USP34: variants seen among roughly 807,000 people sequenced by gnomAD.
USP34 encodes the protein ubiquitin carboxyl-terminal hydrolase 34.
In USP34, 70 loss-of-function variants were observed where a neutral mutation model predicts 460.3. The observed-to-expected ratio is 0.15, with a 90% confidence interval of 0.13 to 0.19. USP34 has a LOEUF of 0.19. USP34 is among the 10% of genes least tolerant of loss of function. The pLI is 1.00. For missense variants in USP34, 3,985 were observed against 4,236.2 expected, an observed-to-expected ratio of 0.94 and a Z score of 1.65; for synonymous variants, 1,647 against 1,405.3, an observed-to-expected ratio of 1.17 and a Z score of -3.85.
At chr2:61,250,818 G>C (rs1446337207) in intron 48 of USP34, among the ~76,000 whole-genome samples, 1 of 152,132 alleles carries the variant, frequency 6.6e-6, no homozygotes, top group Non-Finnish European at 1.5e-5. Context: ...TATACTTAAG[G>C]GATCAATAGG....
chr2:61,201,712 A>G (rs1686982970), intron 75 of USP34, among the ~76,000 whole-genome samples: 1 of 152,228 alleles, frequency 6.6e-6, no homozygotes, highest in African/African-American at 2.4e-5. Context: ...TGGGTTGACA[A>G]GACAACCCAA....
At chr2:61,301,702 C>CTCCT (rs1186793439) in intron 27 of USP34, among the ~76,000 whole-genome samples, 1 of 152,200 alleles carries the variant, frequency 6.6e-6, no homozygotes, top group Non-Finnish European at 1.5e-5. Context: ...GCCAACTGGC[C>CTCCT]TCCTTGCCCT....
rs1446008237 is a variant in USP34 at position 61,241,555 on chromosome 2, T to C, written c.6777+5A>G. On this transcript the variant is annotated splice_donor_5th_base_variant and intron_variant, in intron 53 of 79. Transcript: ENST00000398571. Reference sequence around the variant, plus strand: ...AAATGTTGCTCAAATGAAATTAACTTATACCTCTAGTAACTCTGACGAAAC... The same window carrying C: ...AAATGTTGCTCAAATGAAATTAACTCATACCTCTAGTAACTCTGACGAAAC... 3.8e-6 allele frequency: 6 copies of C among 1,588,906 alleles called. No individual in the cohort carries two copies. Among genetic ancestry groups the C allele is most frequent in the Non-Finnish European group, 5.1e-6 (6 of 1,168,796 alleles).
Position 61,206,801 on chromosome 2 carries a change from A to T in USP34, c.9005T>A (p.Leu3002His), listed in dbSNP as rs1182456670. ...GDLVELLSIF[L>H]SVLKSTRPYL... ...AGGGCGTGTAGACTTCAAAACCGAAAGAAATATTGACAGAAGTTCTACTAA... is the reference window on the plus strand; with the variant it reads ...AGGGCGTGTAGACTTCAAAACCGAATGAAATATTGACAGAAGTTCTACTAA... The change falls in exon 71 of 80, where the codon CTT (leucine) becomes CAT (histidine). Residue 3002 changes from leucine (L) to histidine (H), a missense_variant. Transcript: ENST00000398571. 6.2e-7 allele frequency: 1 copy of T among 1,613,746 alleles called. No individual in the cohort carries two copies. The highest frequency in any genetic ancestry group is 8.5e-7 in the Non-Finnish European group (1 of 1,179,794).
intron 10 of USP34, among the ~76,000 whole-genome samples, chr2:61,365,966 A>ATTTATTTATTTATTTATTTC: frequency 6.6e-6 from 1 of 152,126 alleles, no homozygotes; most frequent in African/African-American, 2.4e-5. Flanking sequence ...TTATTTATTT[A>ATTTATTTATTTATTTATTTC]TTTGAGACAC....
chr2:61,325,777 C>A (rs571470204), intron 20 of USP34, among the ~76,000 whole-genome samples: 20 of 152,186 alleles, frequency 1.3e-4, no homozygotes, highest in African/African-American at 4.6e-4. Flanking sequence ...TTAGAATAGG[C>A]AACAAGTAAA....
intron 1 of USP34, among the ~76,000 whole-genome samples, chr2:61,446,792 C>T (rs1227824331): frequency 1.1e-5 from 1 of 87,792 alleles, no homozygotes; most frequent in Non-Finnish European, 2.3e-5. Context: ...CAAGACTCCA[C>T]ATCAAAAAAA....
intron 64 of USP34, 46 bp from the exon 65 acceptor site, chr2:61,222,709 GTTTTT>G (rs756441973): frequency 1.8e-4 from 279 of 1,574,836 alleles, no homozygotes; most frequent in Non-Finnish European, 2.3e-4. Context: ...GTTTTGTTTT[GTTTTT>G]GAGACAGGGT....
Position 61,240,547 on chromosome 2 carries a change from G to C in USP34, c.6777+1013C>G, listed in dbSNP as rs1194885151. Among the ~76,000 whole-genome samples the C allele has an allele frequency of 5.3e-5, 8 of 151,798 alleles. No individual in the cohort carries two copies. In the East Asian group the frequency reaches 7.8e-4, roughly 15 times the overall value. On this transcript the variant is annotated intron_variant, in intron 53 of 79. Transcript: ENST00000398571. The stretch of plus-strand genomic sequence containing the variant: ...CCCGCCTCGGCCTCCCAAAGTGCTG[G>C]GATTACAGGCATGAGCCACCGCGCC...
chr2:61,435,453 C>CT (rs1433098834), intron 1 of USP34, among the ~76,000 whole-genome samples: 7 of 149,894 alleles, frequency 4.7e-5, no homozygotes, highest in Non-Finnish European at 1.0e-4. Context: ...AGTTAAAGTA[C>CT]TAAAAAAAAA....
At chr2:61,274,569 G>C (rs149864763) in intron 41 of USP34, among the ~76,000 whole-genome samples, 78 of 152,254 alleles carry the variant, frequency 5.1e-4, no homozygotes, top group African/African-American at 1.9e-3. Context: ...TGAGCAGTCA[G>C]AGAAAAGATA....
chr2:61,202,270 A>G (rs1454002269), intron 75 of USP34, among the ~76,000 whole-genome samples: 2 of 152,176 alleles, frequency 1.3e-5, no homozygotes, highest in Admixed American at 6.5e-5. Context: ...GGGCACAAAG[A>G]AGGACTTGCA....
At chr2:61,355,279 A>G (rs964468781) in intron 10 of USP34, among the ~76,000 whole-genome samples, 5 of 152,230 alleles carry the variant, frequency 3.3e-5, no homozygotes, top group Non-Finnish European at 5.9e-5. Context: ...TTGAAATGAA[A>G]TAAGAAAGAT....
At chr2:61,363,229 G>A (rs1242936496) in intron 10 of USP34, among the ~76,000 whole-genome samples, 1 of 152,178 alleles carries the variant, frequency 6.6e-6, no homozygotes, top group Non-Finnish European at 1.5e-5. Context: ...CAAGGATGTG[G>A]AGAAACCAGA....
rs923062353 is a variant in USP34 at position 61,243,729 on chromosome 2, G to A, written c.6627+1481C>T. On this transcript the variant is annotated intron_variant, in intron 51 of 79. Transcript: ENST00000398571. ...CCACTTAAAACACAAAAATTAGCTGGGCATGGTGGCGCGTGCCTGTAATCC... is the reference window on the plus strand; with the variant it reads ...CCACTTAAAACACAAAAATTAGCTGAGCATGGTGGCGCGTGCCTGTAATCC... Among the ~76,000 whole-genome samples the A allele has an allele frequency of 4.6e-5, 7 of 151,598 alleles. No individual in the cohort carries two copies. In the South Asian group the frequency reaches 1.3e-3, roughly 27 times the overall value.
intron 3 of USP34, among the ~76,000 whole-genome samples, chr2:61,396,971 G>A (rs1328555174): frequency 6.6e-6 from 1 of 152,012 alleles, no homozygotes; most frequent in African/African-American, 2.4e-5. Context: ...AAATAAGGTA[G>A]AATCTTACAT....
intron 64 of USP34, 74 bp from the exon 65 acceptor site, chr2:61,222,737 C>T: frequency 7.1e-7 from 1 of 1,417,536 alleles, no homozygotes; most frequent in Non-Finnish European, 9.8e-7. Context: ...CGCTATGTCA[C>T]CCAGGCTGGG....
chr2:61,278,315 C>A, intron 40 of USP34, 30 bp from the exon 41 acceptor site: 1 of 1,610,274 alleles, frequency 6.2e-7, no homozygotes, highest in Non-Finnish European at 8.5e-7. Context: ...TACACACAAG[C>A]AAGATAGTTC....
intron 34 of USP34, 89 bp downstream of exon 34, chr2:61,288,588 C>A (rs1035312497): frequency 1.5e-6 from 2 of 1,372,418 alleles, no homozygotes; most frequent in Non-Finnish European, 2.0e-6. Flanking sequence ...TCACAGTAAT[C>A]TAGAATACAT....
Sources: allele counts gnomAD v4.1 joint callset (sites outside exome capture counted in the v4.1 genomes callset), GRCh38; gene constraint gnomAD v4.1.1; transcripts MANE v1.5; gene names NCBI Gene and HGNC (gene_info 2026-07-23, HGNC 2026-07-21).